RNGTT: variants seen among roughly 807,000 people sequenced by gnomAD.
RNGTT encodes RNA guanylyltransferase and 5'-phosphatase.
RNGTT carries 33 observed loss-of-function variants against 79.3 expected under a neutral mutation model. The observed-to-expected ratio is 0.42, with a 90% CI of 0.32 to 0.56. RNGTT has a LOEUF of 0.56. RNGTT is among the 20% of genes least tolerant of loss of function. The pLI, the probability that RNGTT is intolerant of heterozygous loss-of-function variation, is 0.17. For synonymous variants in RNGTT, 222 were observed against 235.9 expected, an observed-to-expected ratio of 0.94 and a Z score of 0.54; for missense variants, 497 against 739.1, an observed-to-expected ratio of 0.67 and a Z score of 3.80.
At chr6:88,915,516 A>G (rs1783971897) in intron 4 of RNGTT, among the ~76,000 whole-genome samples, 1 of 152,232 alleles carries the variant, frequency 6.6e-6, no homozygotes, top group South Asian at 2.1e-4. Flanking sequence ...TAACGCAGAA[A>G]CAGAAAACCA....
intron 11 of RNGTT, among the ~76,000 whole-genome samples, chr6:88,823,959 A>G (rs1431389391): frequency 6.6e-6 from 1 of 152,248 alleles, no homozygotes; most frequent in Non-Finnish European, 1.5e-5. Flanking sequence ...ACTAGTGAAC[A>G]GTAACTGTAA....
intron 13 of RNGTT, among the ~76,000 whole-genome samples, chr6:88,702,710 G>A (rs1188778822): frequency 1.3e-5 from 2 of 151,920 alleles, no homozygotes; most frequent in Non-Finnish European, 1.5e-5. Context: ...ATTGACAAGC[G>A]GGACCTAATT....
chr6:88,802,947 T>C lies in RNGTT; in HGVS notation c.1270-1315A>G, dbSNP rs183599201. On this transcript the variant is annotated intron_variant, in intron 11 of 15. Coordinates refer to ENST00000369485, the MANE Select transcript of RNGTT (RefSeq NM_003800.5). ...CTAAATTTTTGGATATGCTGTGTGT[T>C]ATACATCCCTTTTATCACAATCACA... 1.9e-3 allele frequency among the ~76,000 whole-genome samples: 291 copies of C among 152,288 alleles called. 4 individuals are homozygous for C. The highest frequency in any genetic ancestry group is 6.9e-3 in the African/African-American group (285 of 41,582).
intron 13 of RNGTT, among the ~76,000 whole-genome samples, chr6:88,727,794 T>A (rs966231054): frequency 6.6e-6 from 1 of 152,158 alleles, no homozygotes; most frequent in African/African-American, 2.4e-5. Context: ...GTCCCCACAT[T>A]TAAAACAAAA....
intron 11 of RNGTT, among the ~76,000 whole-genome samples, chr6:88,821,379 C>T (rs1402920698): frequency 2.6e-5 from 4 of 151,970 alleles, no homozygotes; most frequent in Non-Finnish European, 5.9e-5. Context: ...TTTTAGAAAG[C>T]ATATGTTTTA....
intron 1 of RNGTT, among the ~76,000 whole-genome samples, chr6:88,947,026 T>C (rs1230828039): frequency 2.3e-5 from 1 of 43,054 alleles, no homozygotes; most frequent in Non-Finnish European, 4.6e-5. Context: ...TGCCTTGGCC[T>C]CCCAAAGTGC....
At chr6:88,829,372 G>A (rs927644952) in intron 11 of RNGTT, among the ~76,000 whole-genome samples, 6 of 152,076 alleles carry the variant, frequency 3.9e-5, no homozygotes, top group Non-Finnish European at 8.8e-5. Context: ...GCTCCTGAAG[G>A]AAGCACCAAA....
intron 1 of RNGTT, among the ~76,000 whole-genome samples, chr6:88,959,219 GA>G (rs1293808486): frequency 6.7e-6 from 1 of 148,552 alleles, no homozygotes; most frequent in African/African-American, 2.5e-5. Context: ...GAAGTGTGGA[GA>G]GGGGGGATGA....
chr6:88,909,653 A>C (rs1783769338), intron 4 of RNGTT, among the ~76,000 whole-genome samples: 2 of 152,308 alleles, frequency 1.3e-5, no homozygotes, highest in South Asian at 2.1e-4. Flanking sequence ...AGAACAGACT[A>C]TGAGAGAAAG....
At chr6:88,949,605 G>T (rs1016337731) in intron 1 of RNGTT, among the ~76,000 whole-genome samples, 10 of 152,034 alleles carry the variant, frequency 6.6e-5, no homozygotes, top group Non-Finnish European at 1.0e-4. Flanking sequence ...AAATTTCAGT[G>T]GTCTGAATAG....
At chr6:88,808,708 AAGACC>A (rs1229120324) in intron 11 of RNGTT, among the ~76,000 whole-genome samples, 1 of 152,166 alleles carries the variant, frequency 6.6e-6, no homozygotes, top group Non-Finnish European at 1.5e-5. Context: ...CCAGGAGTTC[AAGACC>A]AGCCTGGGCA....
chr6:88,688,773 C>T (rs769408916), intron 13 of RNGTT, among the ~76,000 whole-genome samples: 10 of 152,188 alleles, frequency 6.6e-5, no homozygotes, highest in Admixed American at 6.5e-4. Flanking sequence ...TCCACTTATA[C>T]GCAGATTTCT....
chr6:88,784,870 A>G (rs1779177286), intron 12 of RNGTT, among the ~76,000 whole-genome samples: 1 of 152,138 alleles, frequency 6.6e-6, no homozygotes, highest in Non-Finnish European at 1.5e-5. Context: ...GTAAAATAAT[A>G]TGCTATCTTT....
intron 14 of RNGTT, among the ~76,000 whole-genome samples, chr6:88,677,362 G>GT (rs1010505322): frequency 9.9e-5 from 15 of 151,516 alleles, no homozygotes; most frequent in African/African-American, 3.4e-4. Context: ...AGTGATGAAT[G>GT]TTAATTATCT....
chr6:88,843,488 T>C (rs962069264), intron 11 of RNGTT, among the ~76,000 whole-genome samples: 3 of 151,494 alleles, frequency 2.0e-5, no homozygotes, highest in Admixed American at 6.6e-5. Flanking sequence ...AGCCATACTG[T>C]TAAGTGAAAA....
intron 14 of RNGTT, among the ~76,000 whole-genome samples, chr6:88,622,439 A>G (rs1772471961): frequency 6.6e-6 from 1 of 152,060 alleles, no homozygotes; most frequent in Non-Finnish European, 1.5e-5. Flanking sequence ...ACTCTAGCAA[A>G]ACTCTGGCTG....
chr6:88,732,619 C>A (rs78482867), intron 13 of RNGTT, among the ~76,000 whole-genome samples: 1 of 152,154 alleles, frequency 6.6e-6, no homozygotes, highest in East Asian at 1.9e-4. Flanking sequence ...TGTGCATTGA[C>A]AAATGAATAA....
chr6:88,929,953 C>G lies in RNGTT; in HGVS notation c.175-686G>C, dbSNP rs978427669. Among the ~76,000 whole-genome samples, 5 of 147,586 alleles carry G rather than the reference C, an allele frequency of 3.4e-5. No individual in the cohort carries two copies. The East Asian group carries it at 7.9e-4, about 23-fold the overall frequency. On this transcript the variant is annotated intron_variant, in intron 2 of 15. Transcript: ENST00000369485. ...ATATGTATACATATGCATATACACA[C>G]GTATATACATATGTATACATGCATA...
chr6:88,662,468 G>A (rs1052229812), intron 14 of RNGTT, among the ~76,000 whole-genome samples: 5 of 152,226 alleles, frequency 3.3e-5, no homozygotes, highest in Non-Finnish European at 1.5e-5. Flanking sequence ...AAAAGGGACA[G>A]GAATCTTTAC....
Sources: allele counts gnomAD v4.1 joint callset (sites outside exome capture counted in the v4.1 genomes callset), GRCh38; gene constraint gnomAD v4.1.1; transcripts MANE v1.5; gene names NCBI Gene and HGNC (gene_info 2026-07-23, HGNC 2026-07-21).